The following ADGRB3 variants were observed in gnomAD, a reference collection of about 807,000 sequenced individuals.
ADGRB3 encodes adhesion G protein-coupled receptor B3.
Under a neutral mutation model 193.4 loss-of-function variants are expected in ADGRB3, and 37 were observed. The observed-to-expected ratio is 0.19, with a 90% confidence interval of 0.15 to 0.25. ADGRB3 has a LOEUF of 0.25. Among genes scored for constraint, ADGRB3 ranks in the 10% least tolerant of loss-of-function variants. The pLI is 1.00. For missense variants in ADGRB3, 1,637 were observed against 1,852.9 expected (o/e 0.88, Z 2.14); for synonymous variants, 690 against 644.2 (o/e 1.07, Z -1.08).
intron 11 of ADGRB3, among the ~76,000 whole-genome samples, chr6:69,011,176 T>TAC (rs1200847974): frequency 3.3e-5 from 5 of 151,312 alleles, no homozygotes; most frequent in Non-Finnish European, 4.4e-5. Context: ...TGTATATATA[T>TAC]ATTCTATATG....
intron 31 of ADGRB3, among the ~76,000 whole-genome samples, chr6:69,386,083 A>G (rs1053993487): frequency 1.3e-5 from 2 of 152,124 alleles, no homozygotes; most frequent in African/African-American, 2.4e-5. Flanking sequence ...GATGCTAAAG[A>G]TTAGTAGAAA....
rs76622507 is a variant in ADGRB3, at chr6:68,706,456, C to T, written c.757+67024C>T. 5.2e-3 allele frequency among the ~76,000 whole-genome samples: 794 copies of T among 152,230 alleles called. 13 individuals carry two copies. The East Asian group carries it at 0.08, about 15-fold the overall frequency. ...GCTTGTTACGAATAATGGAGGTGAC[C>T]GTATGTGTATGGCACATATGTGCAT... On this transcript the variant is annotated intron_variant, in intron 3 of 31. Coordinates refer to ENST00000370598, the MANE Select transcript of ADGRB3 (RefSeq NM_001704.3).
At chr6:68,820,576 A>C (rs1372212218) in intron 3 of ADGRB3, among the ~76,000 whole-genome samples, 2 of 151,976 alleles carry the variant, frequency 1.3e-5, no homozygotes, top group African/African-American at 2.4e-5. Context: ...GTGAATATCA[A>C]ATACTAGCTC....
chr6:68,966,134 G>C (rs1027970205), intron 8 of ADGRB3, among the ~76,000 whole-genome samples: 20 of 152,062 alleles, frequency 1.3e-4, no homozygotes, highest in Non-Finnish European at 2.8e-4. Flanking sequence ...CCTGAGTTCT[G>C]TGTTTTATTT....
In ADGRB3 at chr6:68,781,964, CTT is replaced by C. The variant is rs747415241; in HGVS notation, c.757+142539_757+142540del. 2.0e-4 allele frequency among the ~76,000 whole-genome samples: 30 copies of C among 151,758 alleles called. 2 individuals are homozygous for C. Among genetic ancestry groups the C allele is most frequent in the East Asian group, 1.7e-3 (9 of 5,146 alleles). On this transcript the variant is annotated intron_variant, in intron 3 of 31. Transcript: ENST00000370598. The stretch of plus-strand genomic sequence containing the variant: ...CCAATCATGTTGTGCCAGGTATACT[CTT>C]TTTTTTATTTTATTTTTATTATACT...
chr6:69,318,998 A>G (rs181736335), intron 20 of ADGRB3, among the ~76,000 whole-genome samples: 87 of 151,098 alleles, frequency 5.8e-4, no homozygotes, highest in East Asian at 3.7e-3. Context: ...CTTTGTCTTT[A>G]TAGATGAATT....
At chr6:68,910,108 T>G (rs2150236781) in intron 3 of ADGRB3, among the ~76,000 whole-genome samples, 1 of 152,324 alleles carries the variant, frequency 6.6e-6, no homozygotes, top group Middle Eastern at 3.4e-3. Context: ...CTAACTGGTG[T>G]GAGATGGTAT....
intron 17 of ADGRB3, among the ~76,000 whole-genome samples, chr6:69,159,213 C>T (rs745818551): frequency 2.0e-5 from 3 of 152,070 alleles, no homozygotes; most frequent in Non-Finnish European, 4.4e-5. Context: ...TCCTAATCTA[C>T]TTTTATGTTT....
intron 10 of ADGRB3, among the ~76,000 whole-genome samples, chr6:68,991,254 T>A (rs2150273866): frequency 6.6e-6 from 1 of 152,236 alleles, no homozygotes; most frequent in African/African-American, 2.4e-5. Context: ...CAATAACCCA[T>A]TCATTCCTTT....
chr6:69,235,973 T>A (rs1037649014), intron 19 of ADGRB3, among the ~76,000 whole-genome samples: 3 of 151,868 alleles, frequency 2.0e-5, no homozygotes, highest in African/African-American at 7.2e-5. Flanking sequence ...TAAATATTTT[T>A]AACTATATTA....
Position 69,080,100 on chromosome 6 carries a change from A to C in ADGRB3, c.2480+4062A>C, listed in dbSNP as rs139377271. Among the ~76,000 whole-genome samples the C allele has an allele frequency of 3.3e-3, 496 of 152,108 alleles. 2 individuals carry two copies. The highest frequency in any genetic ancestry group is 0.012 in the African/African-American group (480 of 41,542). ...TTATCCTTATTTATTCATAACCAGA[A>C]TATCTTTCTCTCCCTTTGTCATTCA... is the stretch of plus-strand genomic sequence containing the variant. On this transcript the variant is annotated intron_variant, in intron 17 of 31. Transcript: ENST00000370598.
intron 3 of ADGRB3, among the ~76,000 whole-genome samples, chr6:68,728,305 G>A (rs75531052): frequency 6.6e-6 from 1 of 151,262 alleles, no homozygotes; most frequent in Non-Finnish European, 1.5e-5. Flanking sequence ...ATTTGACAAT[G>A]TTGCAATACA....
chr6:69,240,049 A>G (rs1319243153), intron 20 of ADGRB3, among the ~76,000 whole-genome samples: 1 of 152,024 alleles, frequency 6.6e-6, no homozygotes, highest in Non-Finnish European at 1.5e-5. Context: ...AAATTTTCCC[A>G]TAAGCCATCA....
intron 15 of ADGRB3, among the ~76,000 whole-genome samples, chr6:69,056,772 T>A (rs951848952): frequency 2.0e-5 from 3 of 152,190 alleles, no homozygotes; most frequent in Admixed American, 2.0e-4. Context: ...GATTTATTTC[T>A]GTGTACTCTA....
At chr6:69,003,142 A>T (rs1769631742) in intron 11 of ADGRB3, among the ~76,000 whole-genome samples, 1 of 152,174 alleles carries the variant, frequency 6.6e-6, no homozygotes, top group Non-Finnish European at 1.5e-5. Flanking sequence ...TCAGTACCTG[A>T]CACCTGGTAG....
At chr6:68,943,436 C>T (rs1438953901) in intron 5 of ADGRB3, among the ~76,000 whole-genome samples, 1 of 151,984 alleles carries the variant, frequency 6.6e-6, no homozygotes, top group Non-Finnish European at 1.5e-5. Context: ...CCTTGGCTAT[C>T]TAAATAAAAA....
At chr6:69,245,656 C>A (rs1438550201) in intron 20 of ADGRB3, among the ~76,000 whole-genome samples, 1 of 152,062 alleles carries the variant, frequency 6.6e-6, no homozygotes, top group African/African-American at 2.4e-5. Context: ...TTCACCCCAA[C>A]CCCACCTGAC....
chr6:68,885,444 T>G (rs375616441), intron 3 of ADGRB3, among the ~76,000 whole-genome samples: 1 of 152,124 alleles, frequency 6.6e-6, no homozygotes, highest in Non-Finnish European at 1.5e-5. Context: ...TAAGTCAAAC[T>G]AATTGACGAA....
At chr6:69,004,475 A>T (rs1404926202) in intron 11 of ADGRB3, among the ~76,000 whole-genome samples, 7 of 151,172 alleles carry the variant, frequency 4.6e-5, no homozygotes, top group Non-Finnish European at 7.4e-5. Flanking sequence ...CAGGTTTGTT[A>T]CGTATGTATA....
Sources: gnomAD v4.1 joint callset for allele counts (sites outside exome capture counted in the v4.1 genomes callset) on GRCh38, gnomAD v4.1.1 for gene constraint, MANE v1.5 for transcripts, NCBI Gene and HGNC (gene_info 2026-07-23, HGNC 2026-07-21) for gene names.